MED13: variants seen among roughly 807,000 people sequenced by gnomAD.
MED13 encodes the protein mediator complex subunit 13, also known as mediator of RNA polymerase II transcription subunit 13.
A neutral mutation model predicts 225.2 loss-of-function variants in MED13; 23 were observed. The observed-to-expected ratio is 0.10, with a 90% confidence interval of 0.07 to 0.14. MED13 has a LOEUF of 0.14. MED13 is among the 10% of genes least tolerant of loss of function. The probability of loss-of-function intolerance (pLI) is 1.00; values close to 1 mark genes in which losing one functional copy is unlikely to be tolerated. For synonymous variants in MED13, 942 were observed against 889.2 expected (o/e 1.06, Z -1.06); for missense variants, 2,197 against 2,594.5 (o/e 0.85, Z 3.33).
chr17:62,014,044 C>T (rs192953873), intron 8 of MED13, among the ~76,000 whole-genome samples: 1 of 151,906 alleles, frequency 6.6e-6, no homozygotes, highest in Non-Finnish European at 1.5e-5. Context: ...GTCCCACCCC[C>T]CACCAAAAAC....
At position 61,968,165 on chromosome 17, in the gene MED13, T is replaced by C. The variant is rs1327718655; in HGVS notation, c.4061A>G (p.Tyr1354Cys). Residue 1354 changes from tyrosine (Y) to cysteine (C), a missense_variant, in exon 18 of 30, where the codon TAT becomes TGT. Physicochemically the swap from Tyr to Cys is radical, Grantham distance 194 (BLOSUM62 -2). Around this residue, in one of 12 missense-constraint regions of MED13, gnomAD observed 47 missense variants for 93.8 expected, o/e 0.50. Transcript: ENST00000397786. Reference protein sequence around the residue: ...YLVLSPFALPYWERLMLEPYG... With the variant: ...YLVLSPFALPCWERLMLEPYG... Reference sequence around the variant, plus strand: ...GGGTTCCAGCATAAGTCTCTCCCAATAAGGAAGAGCAAATGGAGAAAGCAC... The same window carrying C: ...GGGTTCCAGCATAAGTCTCTCCCAACAAGGAAGAGCAAATGGAGAAAGCAC... The C allele has an allele frequency of 2.5e-6, 4 of 1,613,642 alleles. No individual in the cohort carries two copies. Among genetic ancestry groups the C allele is most frequent in the Admixed American group, 1.7e-5 (1 of 60,010 alleles).
In MED13 at chr17:61,965,799, C is replaced by G. The variant is rs534344748; in HGVS notation, c.4382-331G>C. On this transcript the variant is annotated intron_variant, in intron 19 of 29. Coordinates refer to ENST00000397786, the MANE Select transcript of MED13 (RefSeq NM_005121.3). ...ATTCATCAAACTATTCAAAGGGTTT[C>G]TAAATCACAAATCAAATAAATATTG... is the stretch of plus-strand genomic sequence containing the variant. Among the ~76,000 whole-genome samples the G allele has an allele frequency of 9.9e-5, 15 of 152,222 alleles. No individual in the cohort carries two copies. In the South Asian group the frequency reaches 2.7e-3, roughly 27 times the overall value.
intron 9 of MED13, chr17:62,005,328 G>A (rs2080436277): frequency 6.6e-6 from 1 of 152,334 alleles, no homozygotes; most frequent in African/African-American, 2.4e-5. Flanking sequence ...AATCATAGAT[G>A]GGCAGAGTGG....
chr17:61,981,554 A>T (rs1436724738), intron 16 of MED13, among the ~76,000 whole-genome samples: 1 of 152,136 alleles, frequency 6.6e-6, no homozygotes, highest in East Asian at 1.9e-4. Context: ...AACATGTAAA[A>T]GCAAAATACT....
In MED13 at chr17:61,995,376, A is replaced by G; in HGVS notation, c.1968-11T>C. 1 of 1,546,566 alleles carries G rather than the reference A, an allele frequency of 6.5e-7. No homozygotes were observed. Among genetic ancestry groups the G allele is most frequent in the Non-Finnish European group, 8.7e-7 (1 of 1,147,924 alleles). Reference sequence around the variant, plus strand: ...CATTGCACCATTAACCTGCATAAAAAAATTAAAAAAAATTAATTATCCACA... The same window carrying G: ...CATTGCACCATTAACCTGCATAAAAGAATTAAAAAAAATTAATTATCCACA... On this transcript the variant is annotated splice_polypyrimidine_tract_variant and intron_variant, in intron 9 of 29. Coordinates refer to ENST00000397786, the MANE Select transcript of MED13 (RefSeq NM_005121.3).
intron 17 of MED13, among the ~76,000 whole-genome samples, chr17:61,971,227 T>C (rs926454095): frequency 1.3e-5 from 2 of 151,248 alleles, no homozygotes; most frequent in African/African-American, 4.9e-5. Flanking sequence ...CAGATAGAAA[T>C]GATCTCCAAA....
At chr17:61,990,919 T>TTG (rs1377750721) in intron 11 of MED13, among the ~76,000 whole-genome samples, 1 of 152,178 alleles carries the variant, frequency 6.6e-6, no homozygotes, top group African/African-American at 2.4e-5. Flanking sequence ...CTCTCTTAAC[T>TTG]TGTGTGTGTG....
At chr17:62,041,733 A>G (rs1230554578) in intron 3 of MED13, among the ~76,000 whole-genome samples, 2 of 152,050 alleles carry the variant, frequency 1.3e-5, no homozygotes, top group Non-Finnish European at 2.9e-5. Flanking sequence ...GTGAGCCACT[A>G]TGTCCAGATA....
rs972824319 is a variant in MED13 at position 62,029,699 on chromosome 17, T to A, written c.1173-48A>T. 2.6e-6 allele frequency: 4 copies of A among 1,567,328 alleles called. No individual in the cohort carries two copies. The African/African-American group carries it at 4.1e-5, about 16-fold the overall frequency. ...TCTTTAAAATTCATAAAATTTTCTA[T>A]CAAACCTCAATGTAGCATTGAAATT... On this transcript the variant is annotated intron_variant, in intron 7 of 29. Transcript: ENST00000397786.
intron 17 of MED13, among the ~76,000 whole-genome samples, chr17:61,969,000 CCT>C (rs1467835526): frequency 2.0e-5 from 3 of 152,112 alleles, no homozygotes; most frequent in Non-Finnish European, 4.4e-5. Flanking sequence ...GATCCTCCTT[CCT>C]CAGCCTCCCA....
At chr17:62,065,049 G>T in intron 1 of MED13, 91 bp downstream of exon 1, 2 of 1,171,022 alleles carry the variant, frequency 1.7e-6, no homozygotes, top group Non-Finnish European at 2.3e-6. Context: ...GGGAACTCGG[G>T]CATCTGGACC....
chr17:62,041,210 G>C (rs910699466), intron 3 of MED13, among the ~76,000 whole-genome samples: 2 of 152,142 alleles, frequency 1.3e-5, no homozygotes, highest in Non-Finnish European at 2.9e-5. Context: ...TTAAAAATAA[G>C]GGGAATTCTA....
At chr17:61,970,078 T>G (rs1406455370) in intron 17 of MED13, among the ~76,000 whole-genome samples, 1 of 152,252 alleles carries the variant, frequency 6.6e-6, no homozygotes, top group African/African-American at 2.4e-5. Context: ...TAATTCTATG[T>G]GCTAGGTACT....
In MED13 at chr17:61,982,861, G is replaced by A; in HGVS notation, c.3142C>T (p.Pro1048Ser). The A allele has an allele frequency of 1.2e-6, 2 of 1,614,174 alleles. No homozygotes were observed. Among genetic ancestry groups the A allele is most frequent in the Non-Finnish European group, 1.7e-6 (2 of 1,180,016 alleles). The change falls in exon 16 of 30, where the codon CCA (proline) becomes TCA (serine). Residue 1048 changes from proline (P) to serine (S), a missense_variant. Around this residue, in one of 12 missense-constraint regions of MED13, gnomAD observed 99 missense variants for 158.5 expected, o/e 0.62. Coordinates refer to ENST00000397786, the MANE Select transcript of MED13 (RefSeq NM_005121.3). ...NSDLYSPAST[P>S]STCRPLNSVE... ...GAATTAAGGGGTCTGCATGTAGATGGGGTAGAAGCTGGTGAATACAAGTCT... is the reference window on the plus strand; with the variant it reads ...GAATTAAGGGGTCTGCATGTAGATGAGGTAGAAGCTGGTGAATACAAGTCT...
chr17:62,033,718 T>C (rs1603405906), intron 5 of MED13, 69 bp downstream of exon 5: 1 of 1,449,816 alleles, frequency 6.9e-7, no homozygotes, highest in African/African-American at 1.4e-5. Context: ...TTGTTTGTTA[T>C]TCAGCAAAAT....
chr17:61,955,591 T>C lies in MED13; in HGVS notation c.5783-24A>G, dbSNP rs768761200. The C allele has an allele frequency of 5.2e-6, 8 of 1,543,312 alleles. No homozygotes were observed. In the South Asian group the frequency reaches 6.4e-5, roughly 12 times the overall value. ...ATCTGAAAATGAAAGACATTTTTTC[T>C]TTTAATAAACGAAGAATAAATTGTA... On this transcript the variant is annotated intron_variant, in intron 25 of 29. Transcript: ENST00000397786.
In MED13 at chr17:61,943,105, C is replaced by T. The variant is rs193050394; in HGVS notation, c.*3363G>A. Reference sequence around the variant, plus strand: ...GGGCCCATTAAAACACCAAAAAAGACCCCCCAAAAAGTTAAGATTTCCAGC... The same window carrying T: ...GGGCCCATTAAAACACCAAAAAAGATCCCCCAAAAAGTTAAGATTTCCAGC... On this transcript the variant is annotated 3_prime_UTR_variant, in exon 30 of 30. Coordinates refer to ENST00000397786, the MANE Select transcript of MED13 (RefSeq NM_005121.3). 3.9e-5 allele frequency: 6 copies of T among 152,378 alleles called. No homozygotes were observed. The highest frequency in any genetic ancestry group is 8.8e-5 in the Non-Finnish European group (6 of 67,912). The allele number at this position is 152,378 out of a possible 1,614,324, so 9.4% of individuals were successfully genotyped here.
chr17:61,968,366 C>T (rs2080077790), intron 17 of MED13, 108 bp from the exon 18 acceptor site: 12 of 844,534 alleles, frequency 1.4e-5, no homozygotes, highest in African/African-American at 3.5e-5. Flanking sequence ...CGCTCTGTCG[C>T]CCAGACTGGA....
In MED13 at chr17:61,965,442, C is replaced by T. The variant is rs1481830611; in HGVS notation, c.4408G>A (p.Asp1470Asn). Reference protein sequence around the residue: ...LGPYLASLPLDSSLLSQPNLV... With the variant: ...LGPYLASLPLNSSLLSQPNLV... ...TTTGGCTGGGAAAGTAGAGAGCTGT[C>T]CAATGGCAGGGAAGCAAGATAAGGA... The change falls in exon 20 of 30, where the codon GAC becomes AAC. Residue 1470 changes from aspartate (D) to asparagine (N), a missense_variant. Transcript: ENST00000397786. The T allele has an allele frequency of 1.2e-6, 2 of 1,613,578 alleles. No individual in the cohort carries two copies. The highest frequency in any genetic ancestry group is 1.7e-6 in the Non-Finnish European group (2 of 1,179,672).
Sources: gnomAD v4.1 joint callset for allele counts (sites outside exome capture counted in the v4.1 genomes callset) on GRCh38, gnomAD v4.1.1 for gene constraint, gnomAD v4.1.1 regional missense constraint, MANE v1.5 for transcripts, NCBI Gene and HGNC (gene_info 2026-07-23, HGNC 2026-07-21) for gene names.